The following SHTN1 variants were observed in gnomAD, a reference collection of about 807,000 sequenced individuals.
The protein encoded by SHTN1 is shootin 1.
Under a neutral mutation model 83.1 loss-of-function variants are expected in SHTN1, and 42 were observed. That is an observed-to-expected ratio of 0.51 (90% confidence interval 0.39 to 0.65). The LOEUF (loss-of-function observed/expected upper bound fraction) is 0.65. SHTN1 is among the 30% of genes least tolerant of loss of function. The pLI, the probability that SHTN1 is intolerant of heterozygous loss-of-function variation, is 0.00. For missense variants in SHTN1, 622 were observed against 737.8 expected, an observed-to-expected ratio of 0.84 and a Z score of 1.82; for synonymous variants, 224 against 247.7, an observed-to-expected ratio of 0.90 and a Z score of 0.90.
intron 1 of SHTN1, among the ~76,000 whole-genome samples, chr10:117,084,123 T>G (rs1343995104): frequency 4.6e-5 from 7 of 152,104 alleles, no homozygotes; most frequent in Admixed American, 3.9e-4. Flanking sequence ...GAGGCGCTCT[T>G]ATTTTTAGAG....
upstream of SHTN1, chr10:117,005,557 A>G: frequency 1.0e-6 from 1 of 1,001,004 alleles, no homozygotes; most frequent in Non-Finnish European, 1.2e-6. Flanking sequence ...AAAGAACCAC[A>G]GAGGTAGAGC....
intron 2 of SHTN1, among the ~76,000 whole-genome samples, chr10:117,021,906 G>T (rs2133564938): frequency 6.6e-6 from 1 of 152,238 alleles, no homozygotes. Flanking sequence ...TCACTTTATT[G>T]CTGTGAAGAT....
At chr10:117,029,194 T>A (rs1004332330) in intron 2 of SHTN1, among the ~76,000 whole-genome samples, 2 of 152,236 alleles carry the variant, frequency 1.3e-5, no homozygotes, top group Admixed American at 1.3e-4. Flanking sequence ...GGTTTCAGAC[T>A]TGCATGGGGC....
intron 2 of SHTN1, among the ~76,000 whole-genome samples, chr10:117,012,321 A>G (rs1460438090): frequency 6.6e-6 from 1 of 152,144 alleles, no homozygotes; most frequent in Non-Finnish European, 1.5e-5. Flanking sequence ...ACAATTCTGA[A>G]TAAGAACAAA....
At chr10:117,077,993 A>G (rs1853186434) in intron 1 of SHTN1, among the ~76,000 whole-genome samples, 1 of 152,206 alleles carries the variant, frequency 6.6e-6, no homozygotes, top group Non-Finnish European at 1.5e-5. Context: ...AAGAAGGTCG[A>G]CGATTAACAG....
chr10:117,096,832 C>A (rs1395450760), intron 1 of SHTN1, among the ~76,000 whole-genome samples: 1 of 152,054 alleles, frequency 6.6e-6, no homozygotes, highest in Non-Finnish European at 1.5e-5. Flanking sequence ...CTGAAGGACA[C>A]CTTGGTGTGA....
At chr10:117,004,321 A>T (rs185527038) in intron 1 of SHTN1, among the ~76,000 whole-genome samples, 26 of 152,178 alleles carry the variant, frequency 1.7e-4, no homozygotes, top group Non-Finnish European at 3.1e-4. Context: ...TGATGAAAAA[A>T]ATGATTGACT....
intron 2 of SHTN1, among the ~76,000 whole-genome samples, chr10:117,038,536 C>A (rs1301830963): frequency 6.6e-6 from 1 of 151,816 alleles, no homozygotes; most frequent in African/African-American, 2.4e-5. Context: ...TTGTGAAAAC[C>A]TCTGTCAAGA....
At chr10:117,037,713 T>G (rs932897457) in intron 2 of SHTN1, among the ~76,000 whole-genome samples, 6 of 151,920 alleles carry the variant, frequency 3.9e-5, no homozygotes, top group Non-Finnish European at 8.8e-5. Flanking sequence ...GACAAATAAA[T>G]CAGTAAACCA....
intron 1 of SHTN1, among the ~76,000 whole-genome samples, chr10:117,053,327 A>T (rs1310220280): frequency 6.6e-6 from 1 of 152,066 alleles, no homozygotes; most frequent in Non-Finnish European, 1.5e-5. Context: ...TGAAAAGAAG[A>T]CTCACAGAAT....
In SHTN1 at chr10:117,097,022, CACACATAG is replaced by C. The variant is rs923947860; in HGVS notation, c.-189+29277_-189+29284del. Among the ~76,000 whole-genome samples, 21 of 119,918 alleles carry C rather than the reference CACACATAG, an allele frequency of 1.8e-4. 1 individual carries two copies. The highest frequency in any genetic ancestry group is 1.5e-3 in the Admixed American group (15 of 10,200). 78.7% of individuals were successfully genotyped at this position (119,918 alleles called of 152,430 possible). ...AAGCGCGCACGCGCGCGCACACACA[CACACATAG>C]ACACACACACACACACACACACACA... On this transcript the variant is annotated intron_variant, in intron 1 of 17. Transcript: ENST00000392901.
rs1017446147 is a variant in SHTN1, at chr10:117,046,929, T to C, written c.-123+1516A>G. 1.4e-4 allele frequency among the ~76,000 whole-genome samples: 22 copies of C among 152,174 alleles called. 3 individuals are homozygous for C. Among genetic ancestry groups the C allele is most frequent in the Admixed American group, 1.3e-3 (20 of 15,272 alleles). On this transcript the variant is annotated intron_variant, in intron 2 of 17. Coordinates refer to the SHTN1 transcript ENST00000392901. ...ATATTCTGAAATTAGATAATGGTGATAGTTGTACAACTTTGTAAATATATT... is the reference window on the plus strand; with the variant it reads ...ATATTCTGAAATTAGATAATGGTGACAGTTGTACAACTTTGTAAATATATT...
At chr10:116,959,364 A>G (rs1241066303) in intron 4 of SHTN1, among the ~76,000 whole-genome samples, 2 of 152,216 alleles carry the variant, frequency 1.3e-5, no homozygotes, top group Non-Finnish European at 2.9e-5. Context: ...ATGCATACAA[A>G]TTACATTTAT....
intron 2 of SHTN1, among the ~76,000 whole-genome samples, chr10:117,038,371 C>T (rs1202374223): frequency 2.6e-5 from 4 of 151,310 alleles, no homozygotes; most frequent in African/African-American, 9.7e-5. Flanking sequence ...AATTCCTGGG[C>T]TCAAGAGATC....
At position 116,915,768 on chromosome 10, in the gene SHTN1, G is replaced by A. The variant is rs72831689; in HGVS notation, c.1196-284C>T. Among the ~76,000 whole-genome samples, 1,517 of 152,232 alleles carry A rather than the reference G, an allele frequency of 1.0e-2. 20 individuals are homozygous for A. Among genetic ancestry groups the A allele is most frequent in the South Asian group, 0.024 (117 of 4,814 alleles). On this transcript the variant is annotated intron_variant, in intron 12 of 16. Coordinates refer to ENST00000355371, the MANE Select transcript of SHTN1 (RefSeq NM_001127211.3). ...TCTGTCAACAAAGTAGACTTTGTTC[G>A]TTTGTCCACATTTCTCCAGGTCTTT... is the stretch of plus-strand genomic sequence containing the variant.
At chr10:116,998,233 T>C (rs1424373864) in intron 1 of SHTN1, among the ~76,000 whole-genome samples, 3 of 152,260 alleles carry the variant, frequency 2.0e-5, no homozygotes, top group Non-Finnish European at 2.9e-5. Context: ...ACTTCAAATT[T>C]TGAATTATAA....
chr10:117,111,028 T>C (rs948328811), intron 1 of SHTN1, among the ~76,000 whole-genome samples: 1 of 151,732 alleles, frequency 6.6e-6, no homozygotes, highest in Admixed American at 6.6e-5. Flanking sequence ...AAAACCCCCA[T>C]CCCTACTAAA....
At chr10:117,085,633 G>A (rs751364291) in intron 1 of SHTN1, among the ~76,000 whole-genome samples, 1 of 152,200 alleles carries the variant, frequency 6.6e-6, no homozygotes. Context: ...ATTAAATCCA[G>A]TTGACTGGTG....
chr10:117,114,190 T>C (rs993449954), intron 1 of SHTN1, among the ~76,000 whole-genome samples: 1 of 152,186 alleles, frequency 6.6e-6, no homozygotes, highest in African/African-American at 2.4e-5. Context: ...GTCTGGGTGA[T>C]AGAGTGAAAT....
Sources: gnomAD v4.1 joint callset for allele counts (sites outside exome capture counted in the v4.1 genomes callset) on GRCh38, gnomAD v4.1.1 for gene constraint, MANE v1.5 for transcripts, NCBI Gene and HGNC (gene_info 2026-07-23, HGNC 2026-07-21) for gene names.